The following FANCB variants were observed in gnomAD, a reference collection of about 807,000 sequenced individuals.
FANCB encodes Fanconi anemia group B protein.
FANCB carries 5 observed loss-of-function variants against 38.9 expected under a neutral mutation model. That is an observed-to-expected ratio of 0.13 (90% CI 0.07 to 0.27). The LOEUF (loss-of-function observed/expected upper bound fraction) is 0.27, where lower values mean the gene tolerates loss of function less well. Ranked by LOEUF, FANCB falls within the 10% of genes least tolerant of loss-of-function variation. The pLI is 1.00. For synonymous variants in FANCB, 236 were observed against 215.4 expected (o/e 1.10, Z -0.84); for missense variants, 573 against 602.7 (o/e 0.95, Z 0.52).
At chrX:14,768,994 T>C in the FANCB span, among the ~76,000 whole-genome samples, 3 of 111,936 alleles carry the variant, frequency 2.7e-5, no homozygotes, top group Non-Finnish European at 5.6e-5. Context: ...CAACATTGCA[T>C]CCCAGGGATG....
At chrX:14,826,354 C>T in the FANCB span, among the ~76,000 whole-genome samples, 3 of 111,664 alleles carry the variant, frequency 2.7e-5, no homozygotes, top group South Asian at 3.7e-4. Context: ...AAGAGTGTAC[C>T]GTTATTAAGT....
chrX:14,861,180 G>A lies in FANCB; in HGVS notation c.952-1846C>T, dbSNP rs191478234. On this transcript the variant is annotated intron_variant, in intron 3 of 9. Transcript: ENST00000650831. ...ATTACAAACGTGGGCCACTACACCC[G>A]GCCAATGACCTCAATTTTGAAATGC... 6.9e-3 allele frequency among the ~76,000 whole-genome samples: 773 copies of A among 111,305 alleles called. 5 individuals are homozygous for A. The highest frequency in any genetic ancestry group is 0.012 in the Non-Finnish European group (615 of 53,022).
chrX:14,804,349 C>G, the FANCB span, among the ~76,000 whole-genome samples: 1 of 111,905 alleles, frequency 8.9e-6, no homozygotes, highest in South Asian at 3.7e-4. Context: ...AAGGAGGAAG[C>G]TGGAAACCAT....
chrX:14,850,717 G>T, intron 6 of FANCB, 43 bp from the exon 7 acceptor site: 2 of 841,838 alleles, frequency 2.4e-6, no homozygotes, highest in Non-Finnish European at 3.4e-6. Context: ...AATACGTACC[G>T]TCTGTAGCAA....
At chrX:14,737,864 C>T in the FANCB span, among the ~76,000 whole-genome samples, 1 of 111,755 alleles carries the variant, frequency 8.9e-6, no homozygotes, top group South Asian at 3.7e-4. Flanking sequence ...CAATTCTTTT[C>T]CTTTCTCTGC....
chrX:14,849,005 G>A (rs1416514155), intron 7 of FANCB, among the ~76,000 whole-genome samples: 1 of 111,038 alleles, frequency 9.0e-6, no homozygotes, highest in Non-Finnish European at 1.9e-5. Flanking sequence ...GTTGCATTGC[G>A]GGCTGCTGGC....
the FANCB span, among the ~76,000 whole-genome samples, chrX:14,750,108 C>T: frequency 6.2e-5 from 7 of 112,073 alleles, no homozygotes; most frequent in East Asian, 2.0e-3. Flanking sequence ...CAGATTGAGG[C>T]TCTGTGAAGC....
At chrX:14,820,223 T>C in the FANCB span, among the ~76,000 whole-genome samples, 1 of 111,040 alleles carries the variant, frequency 9.0e-6, no homozygotes, top group African/African-American at 3.3e-5. Flanking sequence ...ATGTCTCTCT[T>C]CTTTCTCCTT....
the FANCB span, among the ~76,000 whole-genome samples, chrX:14,689,933 A>C: frequency 8.9e-6 from 1 of 112,384 alleles, no homozygotes; most frequent in African/African-American, 3.2e-5. Context: ...GACTTACTAA[A>C]CACTTAAGCA....
intron 1 of FANCB, among the ~76,000 whole-genome samples, chrX:14,870,829 T>G (rs954491907): frequency 9.0e-6 from 1 of 111,570 alleles, no homozygotes; most frequent in African/African-American, 3.3e-5. Context: ...CCAAAAAGTC[T>G]AAGAAACCAT....
chrX:14,856,071 T>A (rs982046718), intron 5 of FANCB, among the ~76,000 whole-genome samples: 1 of 112,361 alleles, frequency 8.9e-6, no homozygotes, highest in African/African-American at 3.2e-5. Flanking sequence ...TACTTTGGCA[T>A]CATTTCTAAA....
At chrX:14,763,927 T>A in the FANCB span, among the ~76,000 whole-genome samples, 5 of 111,546 alleles carry the variant, frequency 4.5e-5, no homozygotes, top group African/African-American at 1.6e-4. Context: ...AGTGCACAAC[T>A]TTTAATAGGG....
chrX:14,728,759 C>G, the FANCB span, among the ~76,000 whole-genome samples: 1 of 112,306 alleles, frequency 8.9e-6, no homozygotes, highest in Non-Finnish European at 1.9e-5. Context: ...GAGGTGGCAC[C>G]TGGGTACTAC....
the FANCB span, among the ~76,000 whole-genome samples, chrX:14,718,412 A>G: frequency 7.1e-5 from 8 of 112,321 alleles, no homozygotes; most frequent in Non-Finnish European, 1.5e-4. Context: ...TGAAAGTGTA[A>G]TATTTGGCAC....
the FANCB span, among the ~76,000 whole-genome samples, chrX:14,806,933 A>G: frequency 8.9e-6 from 1 of 111,972 alleles, no homozygotes; most frequent in African/African-American, 3.2e-5. Flanking sequence ...TCCTTAATTT[A>G]CAAAAAAGGT....
the FANCB span, among the ~76,000 whole-genome samples, chrX:14,809,422 C>T: frequency 0.1 from 11,359 of 111,719 alleles, 817 homozygotes; most frequent in African/African-American, 0.25. Flanking sequence ...GTTCCCTTTC[C>T]GAGTCAAAGA....
At chrX:14,818,076 C>T in the FANCB span, among the ~76,000 whole-genome samples, 10 of 111,350 alleles carry the variant, frequency 9.0e-5, no homozygotes, top group Non-Finnish European at 1.1e-4. Flanking sequence ...ATTAATAAAC[C>T]GGTCCTCATT....
chrX:14,819,330 T>C, the FANCB span, among the ~76,000 whole-genome samples: 5 of 110,629 alleles, frequency 4.5e-5, no homozygotes, highest in Admixed American at 1.9e-4. Flanking sequence ...AAGATAAAAA[T>C]AGATTTCTAG....
chrX:14,853,016 A>G, intron 6 of FANCB, 23 bp downstream of exon 6: 1 of 1,178,496 alleles, frequency 8.5e-7, no homozygotes. Context: ...AAAATGATAA[A>G]ATGGTCACAT....
Sources: allele counts gnomAD v4.1 joint callset (sites outside exome capture counted in the v4.1 genomes callset), GRCh38; gene constraint gnomAD v4.1.1; transcripts MANE v1.5; gene names NCBI Gene and HGNC (gene_info 2026-07-23, HGNC 2026-07-21).